HERC1: variants seen among roughly 807,000 people sequenced by gnomAD.
The protein encoded by HERC1 is probable E3 ubiquitin-protein ligase HERC1.
HERC1 carries 160 observed loss-of-function variants against 554.3 expected under a neutral mutation model. The observed-to-expected ratio is 0.29, with a 90% CI of 0.25 to 0.33. The LOEUF (loss-of-function observed/expected upper bound fraction) is 0.33, where lower values mean the gene tolerates loss of function less well. Ranked by LOEUF, HERC1 falls within the 10% of genes least tolerant of loss-of-function variation. The pLI is 1.00. For missense variants in HERC1, 4,919 were observed against 5,918.5 expected (o/e 0.83, Z 5.54); for synonymous variants, 2,175 against 2,131.7 (o/e 1.02, Z -0.56).
chr15:63,778,696 A>T (rs1179204422), intron 1 of HERC1, among the ~76,000 whole-genome samples: 1 of 152,208 alleles, frequency 6.6e-6, no homozygotes, highest in African/African-American at 2.4e-5. Flanking sequence ...TAAATTAAGA[A>T]TATTATAAAA....
chr15:63,819,937 T>G (rs1254980803), intron 1 of HERC1, among the ~76,000 whole-genome samples: 1 of 152,206 alleles, frequency 6.6e-6, no homozygotes, highest in Admixed American at 6.5e-5. Context: ...ACCCCATAAG[T>G]TTAAACGTGC....
At chr15:63,649,212 G>A (rs1162901251) in intron 54 of HERC1, among the ~76,000 whole-genome samples, 1 of 152,164 alleles carries the variant, frequency 6.6e-6, no homozygotes, top group East Asian at 1.9e-4. Flanking sequence ...AATTAGCTGG[G>A]CGTGGTGGCG....
At chr15:63,691,566 G>C (rs1218800081) in intron 31 of HERC1, among the ~76,000 whole-genome samples, 1 of 151,738 alleles carries the variant, frequency 6.6e-6, no homozygotes, top group African/African-American at 2.4e-5. Context: ...ACTGTAATAA[G>C]ATCAGTTGAA....
chr15:63,777,360 GTAT>G (rs1193475717), intron 1 of HERC1, among the ~76,000 whole-genome samples: 1 of 152,072 alleles, frequency 6.6e-6, no homozygotes, highest in Non-Finnish European at 1.5e-5. Flanking sequence ...ACTTCATTTG[GTAT>G]TAAACACCAG....
intron 24 of HERC1, 105 bp from the exon 25 acceptor site, chr15:63,706,936 G>T: frequency 1.5e-6 from 1 of 688,332 alleles, no homozygotes; most frequent in Non-Finnish European, 2.4e-6. Context: ...TTACAGCAAT[G>T]TCTTACTTAT....
chr15:63,656,710 T>G (rs911820224), intron 48 of HERC1, among the ~76,000 whole-genome samples: 1 of 152,332 alleles, frequency 6.6e-6, no homozygotes, highest in South Asian at 2.1e-4. Context: ...GCTTTGGGCT[T>G]TTCTCAGTCA....
Position 63,698,889 on chromosome 15 carries a change from G to A in HERC1, c.4744C>T (p.Leu1582Phe). Residue 1582 changes from leucine (L) to phenylalanine (F), a missense_variant, in exon 26 of 78, where the codon CTT (leucine) becomes TTT (phenylalanine). Leu to Phe is a conservative substitution (Grantham distance 22). Around this residue, in one of 11 missense-constraint regions of HERC1, gnomAD observed 1,121 missense variants for 1,244.0 expected, o/e 0.90. Coordinates refer to ENST00000443617, the MANE Select transcript of HERC1 (RefSeq NM_003922.4). ...SSYSFESDFDLTKSLGVHTLI... is the reference protein window; with the variant it reads ...SSYSFESDFDFTKSLGVHTLI... ...GTGTGAACTCCCAAAGACTTGGTAAGATCAAAATCTGACTCAAAGGAATAG... is the reference window on the plus strand; with the variant it reads ...GTGTGAACTCCCAAAGACTTGGTAAAATCAAAATCTGACTCAAAGGAATAG... The A allele has an allele frequency of 1.2e-6, 2 of 1,613,954 alleles. No homozygotes were observed. The highest frequency in any genetic ancestry group is 1.7e-6 in the Non-Finnish European group (2 of 1,179,864).
At chr15:63,774,254 G>T (rs962292882) in intron 2 of HERC1, among the ~76,000 whole-genome samples, 1 of 152,152 alleles carries the variant, frequency 6.6e-6, no homozygotes, top group African/African-American at 2.4e-5. Context: ...TTAGCTCCAT[G>T]GGGGTGGAAA....
At chr15:63,628,863 A>G (rs1174624058) in intron 69 of HERC1, 48 bp from the exon 70 acceptor site, 6 of 1,575,676 alleles carry the variant, frequency 3.8e-6, no homozygotes, top group Non-Finnish European at 5.2e-6. Flanking sequence ...AAAGAGGAAG[A>G]GAGGAAGTCA....
chr15:63,737,678 C>A (rs114249214), intron 12 of HERC1, among the ~76,000 whole-genome samples: 1 of 150,596 alleles, frequency 6.6e-6, no homozygotes, highest in East Asian at 2.0e-4. Flanking sequence ...CTGTGCCTGG[C>A]CAAGATAATT....
At chr15:63,729,407 G>A in intron 15 of HERC1, 39 bp from the exon 16 acceptor site, 1 of 1,594,290 alleles carries the variant, frequency 6.3e-7, no homozygotes, top group South Asian at 1.1e-5. Context: ...TACTTTGAAA[G>A]ATTCAAGGTG....
chr15:63,693,936 TA>T (rs1252880900), intron 30 of HERC1, 27 bp downstream of exon 30: 2 of 1,541,094 alleles, frequency 1.3e-6, no homozygotes, highest in Non-Finnish European at 1.8e-6. Context: ...TGCTTGTAAG[TA>T]AAGACAGAGA....
In HERC1 at chr15:63,674,552, C is replaced by T. The variant is rs1360371845; in HGVS notation, c.7636G>A (p.Asp2546Asn). Residue 2546 changes from aspartate to asparagine, a missense_variant, in exon 38 of 78, where the codon GAC becomes AAC. By Grantham distance (23) the Asp-to-Asn change is conservative (BLOSUM62 1). This residue lies in a region of HERC1 where 1,963 missense variants were observed against 2,228.6 expected (regional missense o/e 0.88). Transcript: ENST00000443617. ...KVLAENGHNS[D>N]CASSPVVHED... Reference sequence around the variant, plus strand: ...TGAACAACTGGAGAACTTGCACAGTCTGAGTTGTGGCCATTTTCAGCCAGA... The same window carrying T: ...TGAACAACTGGAGAACTTGCACAGTTTGAGTTGTGGCCATTTTCAGCCAGA... 1.2e-6 allele frequency: 2 copies of T among 1,612,728 alleles called. No homozygotes were observed. The highest frequency in any genetic ancestry group is 1.7e-6 in the Non-Finnish European group (2 of 1,179,326).
chr15:63,689,931 A>G (rs561489145), intron 32 of HERC1, among the ~76,000 whole-genome samples: 50 of 152,242 alleles, frequency 3.3e-4, no homozygotes, highest in African/African-American at 1.2e-3. Flanking sequence ...TGGGAGGCTG[A>G]GGCGGGTGGA....
chr15:63,737,182 A>C (rs1202016779), intron 12 of HERC1, among the ~76,000 whole-genome samples: 1 of 151,398 alleles, frequency 6.6e-6, no homozygotes, highest in Non-Finnish European at 1.5e-5. Context: ...AGAATATAGA[A>C]TTAAATTTCT....
chr15:63,694,463 C>A lies in HERC1; in HGVS notation c.5329G>T (p.Gly1777Cys). Residue 1777 changes from glycine to cysteine, a missense_variant, in exon 29 of 78, where the codon GGT becomes TGT. Gly to Cys is a radical substitution (Grantham distance 159). This residue lies in a region of HERC1 where 1,121 missense variants were observed against 1,244.0 expected (regional missense o/e 0.90). Coordinates refer to ENST00000443617, the MANE Select transcript of HERC1 (RefSeq NM_003922.4). This position sits in a 1 kb window ranked among gnomAD's most constrained non-coding sequence, Gnocchi z 4.3. Reference sequence around the variant, plus strand: ...AACTGTGACAATACGTTTAGCAGACCAGTGGAAATTGCCAAAGAAACATCT... The same window carrying A: ...AACTGTGACAATACGTTTAGCAGACAAGTGGAAATTGCCAAAGAAACATCT... ...PVDVSLAIST[G>C]LLNVLSQLCG... The A allele has an allele frequency of 4.3e-6, 7 of 1,613,954 alleles. No homozygotes were observed. The highest frequency in any genetic ancestry group is 5.9e-6 in the Non-Finnish European group (7 of 1,179,868).
rs2071296518 is a variant in HERC1 at position 63,678,102 on chromosome 15, C to T, written c.6813G>A (p.Glu2271=). 1.2e-6 allele frequency: 2 copies of T among 1,613,854 alleles called. No homozygotes were observed. The highest frequency in any genetic ancestry group is 2.7e-5 in the African/African-American group (2 of 74,922). Residue 2271 remains glutamate (E), a synonymous_variant, in exon 37 of 78, where the codon GAG becomes GAA. Coordinates refer to ENST00000443617, the MANE Select transcript of HERC1 (RefSeq NM_003922.4). ...TCTCTTCCTCTTTGCTCTCCTTCTC[C>T]TCTCTCATTTCATTTTCCTCTCGGC... ...VQSREENEMR[E]EKESKEEEKG... is the part of the protein sequence containing the mutation.
intron 12 of HERC1, among the ~76,000 whole-genome samples, chr15:63,745,060 T>C (rs2075005910): frequency 6.6e-6 from 1 of 152,198 alleles, no homozygotes; most frequent in East Asian, 1.9e-4. Context: ...AGAGCTGGCA[T>C]CTGGAACAGG....
chr15:63,749,790 A>G lies in HERC1; in HGVS notation c.1904T>C (p.Val635Ala). ...ACAAGCTCCACAGCCCCAAGCATAGACCTGAAAAAAACAGAAATACGTTAC... is the reference window on the plus strand; with the variant it reads ...ACAAGCTCCACAGCCCCAAGCATAGGCCTGAAAAAAACAGAAATACGTTAC... The part of the protein sequence containing the change: ...SSLALTSTGQ[V>A]YAWGCGACLG... The change falls in exon 9 of 78, where the codon GTC becomes GCC. Residue 635 changes from valine (V) to alanine (A), a missense_variant and splice_region_variant. This residue lies in a region of HERC1 where 744 missense variants were observed against 1,090.0 expected (regional missense o/e 0.68). Transcript: ENST00000443617. This position sits in a 1 kb window ranked among gnomAD's most constrained non-coding sequence, Gnocchi z 4.1. 1 of 1,548,074 alleles carries G rather than the reference A, an allele frequency of 6.5e-7. No homozygotes were observed. Among genetic ancestry groups the G allele is most frequent in the East Asian group, 2.4e-5 (1 of 42,318 alleles).
Sources: gnomAD v4.1 joint callset for allele counts (sites outside exome capture counted in the v4.1 genomes callset) on GRCh38, gnomAD v4.1.1 for gene constraint, gnomAD v4.1.1 regional missense constraint, Gnocchi (gnomAD v3.1) non-coding constraint, MANE v1.5 for transcripts, NCBI Gene and HGNC (gene_info 2026-07-23, HGNC 2026-07-21) for gene names.